RIOK3: variants seen among roughly 807,000 people sequenced by gnomAD.
RIOK3 encodes the protein RIO kinase 3.
In RIOK3, 40 loss-of-function variants were observed where a neutral mutation model predicts 63.5. That is an observed-to-expected ratio of 0.63 (90% CI 0.49 to 0.82). The LOEUF (loss-of-function observed/expected upper bound fraction) is 0.82, where lower values mean the gene tolerates loss of function less well. Ranked by LOEUF, RIOK3 falls within the 40% of genes least tolerant of loss-of-function variation. The probability of loss-of-function intolerance (pLI) is 0.00; values close to 1 mark genes in which losing one functional copy is unlikely to be tolerated. For synonymous variants in RIOK3, 193 were observed against 205.0 expected, an observed-to-expected ratio of 0.94 and a Z score of 0.50; for missense variants, 557 against 637.0, an observed-to-expected ratio of 0.87 and a Z score of 1.35.
At chr18:23,455,918 C>T (rs1240307493) in intron 1 of RIOK3, among the ~76,000 whole-genome samples, 1 of 152,192 alleles carries the variant, frequency 6.6e-6, no homozygotes, top group Non-Finnish European at 1.5e-5. Context: ...CTTCCTCAGC[C>T]TCCCAAGTAG....
chr18:23,462,326 A>T (rs2057377586), intron 1 of RIOK3, among the ~76,000 whole-genome samples: 1 of 151,864 alleles, frequency 6.6e-6, no homozygotes, highest in Non-Finnish European at 1.5e-5. Flanking sequence ...TTTCTGGTAG[A>T]GATGGGGTTT....
At chr18:23,464,834 A>G (rs2057395711) in intron 5 of RIOK3, among the ~76,000 whole-genome samples, 1 of 152,244 alleles carries the variant, frequency 6.6e-6, no homozygotes, top group Non-Finnish European at 1.5e-5. Context: ...AACAGTGTTG[A>G]AAAACTATTT....
chr18:23,457,893 G>T (rs1163574166), intron 1 of RIOK3, among the ~76,000 whole-genome samples: 1 of 151,556 alleles, frequency 6.6e-6, no homozygotes, highest in East Asian at 1.9e-4. Flanking sequence ...CATGTTTGCT[G>T]GTTTTCTTTT....
rs1371923573 is a variant in RIOK3 at position 23,466,116 on chromosome 18, AT to A, written c.544-15del. On this transcript the variant is annotated splice_polypyrimidine_tract_variant and intron_variant, in intron 5 of 12. Transcript: ENST00000339486. ...CCTATTTTAAAATATTTAGATGCTA[AT>A]TCTTCCTTTTGGCAGTTTGCACCTG... 1 of 1,559,934 alleles carries A rather than the reference AT, an allele frequency of 6.4e-7. No homozygotes were observed. Among genetic ancestry groups the A allele is most frequent in the East Asian group, 2.3e-5 (1 of 43,588 alleles).
intron 7 of RIOK3, among the ~76,000 whole-genome samples, chr18:23,469,266 G>A (rs1472344974): frequency 1.4e-5 from 2 of 147,810 alleles, no homozygotes; most frequent in Non-Finnish European, 3.0e-5. Flanking sequence ...GGGGCTGGGA[G>A]TTTTGCTTTC....
At chr18:23,473,368 G>T in intron 7 of RIOK3, 61 bp from the exon 8 acceptor site, 1 of 979,394 alleles carries the variant, frequency 1.0e-6, no homozygotes, top group Non-Finnish European at 1.5e-6. Flanking sequence ...TCTTTATTTT[G>T]AAATTGTTGT....
Position 23,477,237 on chromosome 18 carries a change from T to C in RIOK3, c.1313T>C (p.Phe438Ser). 6.2e-7 allele frequency: 1 copy of C among 1,614,190 alleles called. No individual in the cohort carries two copies. The highest frequency in any genetic ancestry group is 8.5e-7 in the Non-Finnish European group (1 of 1,180,000). ...VEPTHPHGLE[F>S]LFRDCRNVSQ... ...CCTACCCACCCTCACGGCCTGGAGTTCTTGTTCCGGGACTGCAGGAATGTC... is the reference window on the plus strand; with the variant it reads ...CCTACCCACCCTCACGGCCTGGAGTCCTTGTTCCGGGACTGCAGGAATGTC... The change falls in exon 11 of 13, where the codon TTC becomes TCC. Residue 438 changes from phenylalanine to serine, a missense_variant. Around this residue, in one of 3 missense-constraint regions of RIOK3, gnomAD observed 309 missense variants for 338.7 expected, o/e 0.91. Transcript: ENST00000339486.
At chr18:23,461,286 G>A (rs1465027196) in intron 1 of RIOK3, among the ~76,000 whole-genome samples, 1 of 152,186 alleles carries the variant, frequency 6.6e-6, no homozygotes, top group African/African-American at 2.4e-5. Flanking sequence ...TTCTAAATTA[G>A]ACACTCAGTA....
In RIOK3 at chr18:23,475,077, A is replaced by G. The variant is rs1567899207; in HGVS notation, c.1143A>G (p.Glu381=). 1 of 1,613,030 alleles carries G rather than the reference A, an allele frequency of 6.2e-7. No individual in the cohort carries two copies. Among genetic ancestry groups the G allele is most frequent in the Non-Finnish European group, 8.5e-7 (1 of 1,179,444 alleles). The change falls in exon 9 of 13, where the codon GAA becomes GAG. Residue 381 remains glutamate, a synonymous_variant. Coordinates refer to ENST00000339486, the MANE Select transcript of RIOK3 (RefSeq NM_003831.5). ...KLKEVKLNSE[E]MKEAYYQTLH... ...AAGAAGTAAAGCTCAATAGTGAAGA[A>G]ATGAAAGAAGCCTACTATCAAACTC...
chr18:23,474,968 C>T lies in RIOK3; in HGVS notation c.1034C>T (p.Pro345Leu). 1 of 1,611,068 alleles carries T rather than the reference C, an allele frequency of 6.2e-7. No homozygotes were observed. Among genetic ancestry groups the T allele is most frequent in the Non-Finnish European group, 8.5e-7 (1 of 1,177,516 alleles). ...NLARMQRAGI[P>L]CPTVVLLKKH... ...TATAGAATGCAGAGAGCTGGAATTC[C>T]TTGTCCAACAGTTGTACTACTGAAG... Residue 345 changes from proline to leucine, a missense_variant, in exon 9 of 13, where the codon CCT becomes CTT. Coordinates refer to ENST00000339486, the MANE Select transcript of RIOK3 (RefSeq NM_003831.5).
rs553208708 is a variant in RIOK3, at chr18:23,464,369, C to A, written c.433+56C>A. Reference sequence around the variant, plus strand: ...AGAATAGAGGTATAGGAAGACTAATCTTTTCAATGAACTCTTTTAGTTTTA... The same window carrying A: ...AGAATAGAGGTATAGGAAGACTAATATTTTCAATGAACTCTTTTAGTTTTA... On this transcript the variant is annotated intron_variant, in intron 4 of 12. Coordinates refer to ENST00000339486, the MANE Select transcript of RIOK3 (RefSeq NM_003831.5). 6.6e-5 allele frequency: 85 copies of A among 1,289,376 alleles called. No homozygotes were observed. In the East Asian group the frequency reaches 2.0e-3, roughly 30 times the overall value. 79.9% of individuals were successfully genotyped at this position (1,289,376 alleles called of 1,614,324 possible). A position where few individuals can be genotyped will look rare whatever the true frequency, so the allele number is the denominator to read the frequency against.
chr18:23,480,671 A>G (rs939114312), intron 12 of RIOK3, among the ~76,000 whole-genome samples: 1 of 152,112 alleles, frequency 6.6e-6, no homozygotes, highest in Non-Finnish European at 1.5e-5. Flanking sequence ...TCAGCCAGGC[A>G]TGGCAGCTCA....
At position 23,482,624 on chromosome 18, in the gene RIOK3, A is replaced by G. The variant is rs936589216; in HGVS notation, c.*1345A>G. Reference sequence around the variant, plus strand: ...TGCTGGACACCACTTTTAAAAAGCAATCACTGTGCTAGAAAAGTATATTGG... The same window carrying G: ...TGCTGGACACCACTTTTAAAAAGCAGTCACTGTGCTAGAAAAGTATATTGG... On this transcript the variant is annotated 3_prime_UTR_variant, in exon 13 of 13. Transcript: ENST00000339486. 2 of 152,214 alleles carry G rather than the reference A, an allele frequency of 1.3e-5. No homozygotes were observed. The highest frequency in any genetic ancestry group is 2.4e-5 in the African/African-American group (1 of 41,452). 9.4% of individuals were successfully genotyped at this position (152,214 alleles called of 1,614,324 possible).
chr18:23,468,518 GTC>G (rs2057426227), intron 7 of RIOK3, among the ~76,000 whole-genome samples: 1 of 151,054 alleles, frequency 6.6e-6, no homozygotes, highest in African/African-American at 2.4e-5. Context: ...AGCCAGGCTG[GTC>G]TCAAACTCCT....
chr18:23,465,292 A>G (rs1166830972), intron 5 of RIOK3, among the ~76,000 whole-genome samples: 3 of 152,018 alleles, frequency 2.0e-5, no homozygotes, highest in African/African-American at 7.3e-5. Flanking sequence ...AATTGCTTGA[A>G]CCTGGGAGGC....
chr18:23,466,657 TGCA>T (rs1427916022), intron 6 of RIOK3, among the ~76,000 whole-genome samples: 2 of 140,280 alleles, frequency 1.4e-5, no homozygotes, highest in Non-Finnish European at 3.0e-5. Flanking sequence ...GCCACTGTAC[TGCA>T]GCCTGGGTGA....
intron 1 of RIOK3, chr18:23,456,529 A>C (rs2057342369): frequency 6.6e-6 from 1 of 152,148 alleles, no homozygotes; most frequent in Admixed American, 6.5e-5. Context: ...TTAAAAAAAT[A>C]GATTAGAACA....
At chr18:23,476,724 T>G (rs2057493385) in intron 9 of RIOK3, among the ~76,000 whole-genome samples, 1 of 151,960 alleles carries the variant, frequency 6.6e-6, no homozygotes, top group Non-Finnish European at 1.5e-5. Context: ...CTAACTAACA[T>G]GGTGAAACCC....
intron 1 of RIOK3, among the ~76,000 whole-genome samples, chr18:23,461,781 T>C (rs114979916): frequency 8.6e-4 from 131 of 152,178 alleles, no homozygotes; most frequent in African/African-American, 3.1e-3. Context: ...GTTTCTCAGC[T>C]TCTAAAGTTC....
Sources: gnomAD v4.1 joint callset for allele counts (sites outside exome capture counted in the v4.1 genomes callset) on GRCh38, gnomAD v4.1.1 for gene constraint, gnomAD v4.1.1 regional missense constraint, MANE v1.5 for transcripts, NCBI Gene and HGNC (gene_info 2026-07-23, HGNC 2026-07-21) for gene names.